MMP28: variants seen among roughly 807,000 people sequenced by gnomAD.
MMP28 encodes the protein matrix metallopeptidase 28, also known as matrix metalloproteinase-28.
A neutral mutation model predicts 60.5 loss-of-function variants in MMP28; 55 were observed. The ratio of observed to expected loss-of-function variants is 0.91; its 90% CI spans 0.73 to 1.14. The LOEUF (loss-of-function observed/expected upper bound fraction) is 1.14. Among genes scored for constraint, MMP28 ranks in the 50% most tolerant of loss-of-function variants. The probability of loss-of-function intolerance (pLI) is 0.00; values close to 1 mark genes in which losing one functional copy is unlikely to be tolerated. For missense variants in MMP28, 686 were observed against 738.3 expected (o/e 0.93, Z 0.82); for synonymous variants, 318 against 312.5 (o/e 1.02, Z -0.18).
At chr17:35,783,728 G>C (rs2086570857) in intron 1 of MMP28, among the ~76,000 whole-genome samples, 1 of 152,066 alleles carries the variant, frequency 6.6e-6, no homozygotes, top group African/African-American at 2.4e-5. Context: ...TTCCTGGCTG[G>C]GCTGCTGTGC....
chr17:35,771,374 T>C (rs1175738403), intron 4 of MMP28, among the ~76,000 whole-genome samples: 2 of 135,118 alleles, frequency 1.5e-5, no homozygotes, highest in East Asian at 4.2e-4. Flanking sequence ...GAGCTTGCAG[T>C]GAGCTGAGAT....
intron 4 of MMP28, among the ~76,000 whole-genome samples, chr17:35,772,109 C>A (rs1464660704): frequency 6.6e-6 from 1 of 151,992 alleles, no homozygotes. Flanking sequence ...GAAAGTCAGC[C>A]GCATGTAGGA....
chr17:35,763,293 T>C (rs2143099884), downstream of MMP28, among the ~76,000 whole-genome samples: 1 of 152,014 alleles, frequency 6.6e-6, no homozygotes, highest in East Asian at 2.0e-4. Flanking sequence ...TTTTTAATTG[T>C]GGAGACGGGG....
chr17:35,769,626 C>T (rs977650432), intron 5 of MMP28, among the ~76,000 whole-genome samples: 1 of 151,838 alleles, frequency 6.6e-6, no homozygotes, highest in East Asian at 1.9e-4. Context: ...GCATCAGCAT[C>T]GTGGTGAGAG....
rs377269394 is a variant in MMP28, at chr17:35,770,216, A to T, written c.701T>A (p.Leu234Gln). The T allele has an allele frequency of 1.2e-6, 2 of 1,600,588 alleles. No homozygotes were observed. Among genetic ancestry groups the T allele is most frequent in the Non-Finnish European group, 1.7e-6 (2 of 1,177,600 alleles). ...GATCTCGTGCGCCAGCACCACGAAC[A>T]GGTTGCGCCCGCGGCGGCGGCTCAG... ...WSLSRRRGRN[L>Q]FVVLAHEIGH... is the part of the protein sequence containing the mutation. The change falls in exon 5 of 8, where the codon CTG (leucine) becomes CAG (glutamine). Residue 234 changes from leucine to glutamine, a missense_variant. Leu to Gln is a moderately radical substitution (Grantham distance 113, BLOSUM62 -2). Coordinates refer to ENST00000605424, the MANE Select transcript of MMP28 (RefSeq NM_024302.5).
intron 3 of MMP28, among the ~76,000 whole-genome samples, chr17:35,777,087 C>T (rs955777271): frequency 6.6e-6 from 1 of 152,196 alleles, no homozygotes; most frequent in Non-Finnish European, 1.5e-5. Flanking sequence ...CAAGCCCCTT[C>T]CACCTGGTAA....
downstream of MMP28, among the ~76,000 whole-genome samples, chr17:35,763,438 CTTTTTTT>C (rs782005643): frequency 5.8e-4 from 59 of 101,514 alleles, 1 homozygote; most frequent in East Asian, 0.014. Context: ...CCATGCCCAG[CTTTTTTT>C]TTTTTTTTTT....
chr17:35,788,561 T>C (rs1020727513), intron 1 of MMP28, among the ~76,000 whole-genome samples: 10 of 152,054 alleles, frequency 6.6e-5, no homozygotes, highest in African/African-American at 2.4e-4. Flanking sequence ...TGAGCTAAGT[T>C]CTTGGGAACG....
intron 4 of MMP28, among the ~76,000 whole-genome samples, 156 bp from the exon 5 acceptor site, chr17:35,770,468 C>CAGTA (rs1316260752): frequency 1.3e-5 from 2 of 152,196 alleles, no homozygotes; most frequent in Non-Finnish European, 2.9e-5. Flanking sequence ...CAGAGGTGAA[C>CAGTA]AGTAGGCTCT....
chr17:35,779,833 C>T (rs1353297881), intron 1 of MMP28, among the ~76,000 whole-genome samples: 1 of 152,162 alleles, frequency 6.6e-6, no homozygotes. Context: ...GTGCCTATTA[C>T]ATAGGAGGGA....
At chr17:35,786,713 A>AAAAAAAAAAAAAAAAAAAAC in intron 1 of MMP28, among the ~76,000 whole-genome samples, 1 of 151,606 alleles carries the variant, frequency 6.6e-6, no homozygotes, top group Non-Finnish European at 1.5e-5. Flanking sequence ...AAAAAAAAAA[A>AAAAAAAAAAAAAAAAAAAAC]AAGATGAATG....
chr17:35,775,505 TG>T lies in MMP28; in HGVS notation c.380-2102del, dbSNP rs764702415. On this transcript the variant is annotated intron_variant, in intron 3 of 7. Coordinates refer to ENST00000605424, the MANE Select transcript of MMP28 (RefSeq NM_024302.5). ...GGGGAGGAGAACTAAAAGCTTTGCC[TG>T]GGCAGAACCCTGGAGTTCCGACTCC... is the stretch of plus-strand genomic sequence containing the variant. Among the ~76,000 whole-genome samples the T allele has an allele frequency of 2.6e-5, 4 of 152,350 alleles. 1 individual carries two copies. In the South Asian group the frequency reaches 6.2e-4, roughly 24 times the overall value.
intron 3 of MMP28, 43 bp downstream of exon 3, chr17:35,778,845 A>G: frequency 1.2e-6 from 2 of 1,614,014 alleles, no homozygotes; most frequent in Non-Finnish European, 1.7e-6. Flanking sequence ...TGGCTTCAAG[A>G]CATTGGGAAA....
intron 1 of MMP28, among the ~76,000 whole-genome samples, chr17:35,781,939 A>C (rs2086515358): frequency 6.6e-6 from 1 of 151,536 alleles, no homozygotes; most frequent in Admixed American, 6.6e-5. Flanking sequence ...TGGCATGATC[A>C]TTGCTCACCA....
At chr17:35,784,560 C>A (rs537051145) in intron 1 of MMP28, among the ~76,000 whole-genome samples, 1 of 152,168 alleles carries the variant, frequency 6.6e-6, no homozygotes, top group East Asian at 1.9e-4. Flanking sequence ...CAGTTTCCTC[C>A]TGCAAAGGTA....
intron 2 of MMP28, chr17:35,758,328 G>C (rs2085763090): frequency 1.3e-5 from 2 of 152,140 alleles, no homozygotes; most frequent in Admixed American, 1.3e-4. Context: ...TATGTTCCTG[G>C]GGTTAGTGGG....
At chr17:35,764,844 C>T (rs1568124499), downstream of MMP28, 3 of 427,672 alleles carry the variant, frequency 7.0e-6, no homozygotes, top group Non-Finnish European at 8.2e-6. Flanking sequence ...ACCTAGAGCC[C>T]GCTGTCAACA....
At chr17:35,780,634 AG>A (rs1470597190) in intron 1 of MMP28, among the ~76,000 whole-genome samples, 10 of 152,052 alleles carry the variant, frequency 6.6e-5, no homozygotes, top group Admixed American at 5.2e-4. Context: ...CAGGAGTTCG[AG>A]ACCAGCCTGG....
downstream of MMP28, chr17:35,764,475 C>A: frequency 1.3e-6 from 2 of 1,566,646 alleles, no homozygotes. Flanking sequence ...CCGGCGACGA[C>A]CGCCGCGCCG....
Sources: allele counts gnomAD v4.1 joint callset (sites outside exome capture counted in the v4.1 genomes callset), GRCh38; gene constraint gnomAD v4.1.1; transcripts MANE v1.5; gene names NCBI Gene and HGNC (gene_info 2026-07-23, HGNC 2026-07-21).